The following TM7SF3 variants were observed in gnomAD, a reference collection of about 807,000 sequenced individuals.
TM7SF3 encodes transmembrane 7 superfamily member 3.
Under a neutral mutation model 65.5 loss-of-function variants are expected in TM7SF3, and 60 were observed. The ratio of observed to expected loss-of-function variants is 0.92; its 90% CI spans 0.74 to 1.14. The LOEUF is 1.14. Among genes scored for constraint, TM7SF3 ranks in the 50% most tolerant of loss-of-function variants. The pLI is 0.00. For synonymous variants in TM7SF3, 264 were observed against 259.6 expected, an observed-to-expected ratio of 1.02 and a Z score of -0.16; for missense variants, 623 against 684.8, an observed-to-expected ratio of 0.91 and a Z score of 1.01.
chr12:26,974,038 C>G lies in TM7SF3; in HGVS notation c.1640G>C (p.Gly547Ala). The change falls in exon 12 of 12, where the codon GGC (glycine) becomes GCC (alanine). Residue 547 changes from glycine (G) to alanine (A), a missense_variant. By Grantham distance (60) the Gly-to-Ala change is moderately conservative (BLOSUM62 0). Transcript: ENST00000343028. ...GAGCCCTTTAATCTGGGTTAATCGG[C>G]CATAGAGCCTCTCTCTCAATGGAGG... Reference protein sequence around the residue: ...HIPPLRERLYGRLTQIKGLFQ... With the variant: ...HIPPLRERLYARLTQIKGLFQ... 6.2e-7 allele frequency: 1 copy of G among 1,614,174 alleles called. No individual in the cohort carries two copies. The highest frequency in any genetic ancestry group is 8.5e-7 in the Non-Finnish European group (1 of 1,180,038).
chr12:26,999,986 G>A (rs746340589), intron 2 of TM7SF3, among the ~76,000 whole-genome samples: 2 of 152,158 alleles, frequency 1.3e-5, no homozygotes, highest in Admixed American at 6.6e-5. Context: ...TCATGATAGC[G>A]GTGCCAACAC....
At chr12:27,013,811 G>A (rs1416273134) in intron 1 of TM7SF3, among the ~76,000 whole-genome samples, 2 of 152,114 alleles carry the variant, frequency 1.3e-5, no homozygotes, top group Admixed American at 6.5e-5. Flanking sequence ...CTCCCTAAGG[G>A]AGATAATACT....
In TM7SF3 at chr12:27,014,272, C is replaced by T; in HGVS notation, c.-104G>A. The stretch of plus-strand genomic sequence containing the variant: ...CCACGCTATCCCGGGGCGCCCGCAT[C>T]GGGCGCCATCGCCCGCCAGGTGCAG... On this transcript the variant is annotated 5_prime_UTR_variant, in exon 1 of 12. Transcript: ENST00000343028. The T allele has an allele frequency of 9.6e-7, 1 of 1,037,130 alleles. No homozygotes were observed. Among genetic ancestry groups the T allele is most frequent in the Non-Finnish European group, 1.3e-6 (1 of 757,880 alleles). The allele number at this position is 1,037,130 out of a possible 1,614,324, so 64.2% of individuals were successfully genotyped here.
At chr12:26,976,404 T>G in intron 9 of TM7SF3, 47 bp from the exon 10 acceptor site, 3 of 1,334,504 alleles carry the variant, frequency 2.2e-6, no homozygotes, top group South Asian at 1.2e-5. Context: ...CTTTACCAAG[T>G]TAGAGTTGGT....
Position 26,972,394 on chromosome 12 carries a change from GGTTTTCTTATTAATGGCAATACA to G in TM7SF3, c.*1548_*1570del, listed in dbSNP as rs1939397050. The G allele has an allele frequency of 6.6e-6, 1 of 151,692 alleles. No individual in the cohort carries two copies. The highest frequency in any genetic ancestry group is 2.1e-4 in the South Asian group (1 of 4,792). The allele number at this position is 151,692 out of a possible 1,614,324, so 9.4% of individuals were successfully genotyped here. ...AACTATGAAGTACAAATTTTTCTAA[GGTTTTCTTATTAATGGCAATACA>G]GACTTTTTTTTTTTTTGAGACGGAG... is the stretch of plus-strand genomic sequence containing the variant. On this transcript the variant is annotated 3_prime_UTR_variant, in exon 12 of 12. Coordinates refer to ENST00000343028, the MANE Select transcript of TM7SF3 (RefSeq NM_016551.3).
chr12:26,987,603 G>A (rs991754165), intron 6 of TM7SF3, among the ~76,000 whole-genome samples: 5 of 152,200 alleles, frequency 3.3e-5, no homozygotes, highest in African/African-American at 9.7e-5. Flanking sequence ...TGGCAGGGGA[G>A]GGAAAACCCT....
intron 1 of TM7SF3, among the ~76,000 whole-genome samples, chr12:27,012,253 G>C (rs1941271870): frequency 6.6e-6 from 1 of 152,166 alleles, no homozygotes; most frequent in African/African-American, 2.4e-5. Context: ...TGACAAGGGA[G>C]GAAGATCATT....
At chr12:26,985,652 A>AAT (rs71069288) in intron 6 of TM7SF3, among the ~76,000 whole-genome samples, 1,632 of 38,750 alleles carry the variant, frequency 0.042, 48 homozygotes, top group Middle Eastern at 0.069. Flanking sequence ...AAAAAAAAAA[A>AAT]ATATATATAT....
rs1428848245 is a variant in TM7SF3 at position 27,014,159 on chromosome 12, G to C, written c.10C>G (p.Leu4Val). Reference sequence around the variant, plus strand: ...AGCACCGCTACGACCAGCAGCTGCAGGAACCCCATTGCTGCCTGGGCCGGG... The same window carrying C: ...AGCACCGCTACGACCAGCAGCTGCACGAACCCCATTGCTGCCTGGGCCGGG... MGF[L>V]QLLVVAVLAS... Residue 4 changes from leucine (L) to valine (V), a missense_variant, in exon 1 of 12, where the codon CTG (leucine) becomes GTG (valine). Transcript: ENST00000343028. 6 of 1,561,464 alleles carry C rather than the reference G, an allele frequency of 3.8e-6. No individual in the cohort carries two copies. In the East Asian group the frequency reaches 1.4e-4, roughly 37 times the overall value.
rs151198504 is a variant in TM7SF3 at position 27,004,789 on chromosome 12, G to A, written c.92-1399C>T. Among the ~76,000 whole-genome samples, 7 of 151,992 alleles carry A rather than the reference G, an allele frequency of 4.6e-5. No individual in the cohort carries two copies. The East Asian group carries it at 7.7e-4, about 17-fold the overall frequency. ...TTTTAAAAAAATGATAGAATAAAAC[G>A]TTACAATTTCATTTCTAAAACTCTA... On this transcript the variant is annotated intron_variant, in intron 1 of 11. Coordinates refer to ENST00000343028, the MANE Select transcript of TM7SF3 (RefSeq NM_016551.3).
At chr12:26,994,400 G>A (rs900062762) in intron 5 of TM7SF3, among the ~76,000 whole-genome samples, 2 of 152,178 alleles carry the variant, frequency 1.3e-5, no homozygotes, top group Non-Finnish European at 2.9e-5. Context: ...GGGCTGGAGT[G>A]CAACAGCACC....
At chr12:26,974,434 T>C (rs1434273948) in intron 11 of TM7SF3, among the ~76,000 whole-genome samples, 1 of 152,208 alleles carries the variant, frequency 6.6e-6, no homozygotes, top group East Asian at 1.9e-4. Context: ...GAATTTTCTA[T>C]TACAGGCATT....
intron 2 of TM7SF3, among the ~76,000 whole-genome samples, chr12:27,000,520 C>T (rs924050822): frequency 7.9e-5 from 12 of 151,974 alleles, no homozygotes; most frequent in Admixed American, 6.6e-4. Flanking sequence ...AGTGCAGTGG[C>T]GCGATCTCAG....
chr12:26,976,330 CCAT>C lies in TM7SF3; in HGVS notation c.1214_1216del (p.Asp405del), dbSNP rs762271837. The C allele has an allele frequency of 6.2e-7, 1 of 1,613,814 alleles. No homozygotes were observed. Among genetic ancestry groups the C allele is most frequent in the East Asian group, 2.2e-5 (1 of 44,852 alleles). ...GCAAGAGAAAGTGACCCAGAATACACCATCATCATGAAAAATCTTTAGGTTTCC... is the reference window on the plus strand; with the variant it reads ...GCAAGAGAAAGTGACCCAGAATACACCATCATGAAAAATCTTTAGGTTTCC... On this transcript the variant is annotated inframe_deletion, in exon 10 of 12. Transcript: ENST00000343028.
intron 1 of TM7SF3, among the ~76,000 whole-genome samples, chr12:27,004,049 C>G (rs1342213088): frequency 1.3e-5 from 2 of 152,168 alleles, no homozygotes; most frequent in Admixed American, 1.3e-4. Context: ...AAGGATCAAA[C>G]TGAGTCCATA....
chr12:26,996,814 G>A lies in TM7SF3; in HGVS notation c.446C>T (p.Pro149Leu). Residue 149 changes from proline (P) to leucine (L), a missense_variant, in exon 4 of 12, where the codon CCC (proline) becomes CTC (leucine). Pro to Leu is a moderately conservative substitution (Grantham distance 98). Transcript: ENST00000343028. ...GAAATTATACTCCAAGTAAATGTTG[G>A]GATCAATATCTAAATCGAACTCCAA... Reference protein sequence around the residue: ...CNLEFDLDIDPNIYLEYNFFE... With the variant: ...CNLEFDLDIDLNIYLEYNFFE... 16 of 1,613,472 alleles carry A rather than the reference G, an allele frequency of 9.9e-6. No individual in the cohort carries two copies. The highest frequency in any genetic ancestry group is 1.4e-5 in the Non-Finnish European group (16 of 1,179,764).
chr12:26,981,481 C>A (rs1170559616), intron 7 of TM7SF3, among the ~76,000 whole-genome samples: 1 of 151,628 alleles, frequency 6.6e-6, no homozygotes, highest in Admixed American at 6.6e-5. Flanking sequence ...TGCACTCCAG[C>A]CTAGGAGACA....
chr12:26,998,385 C>T (rs529035231), intron 3 of TM7SF3, among the ~76,000 whole-genome samples: 2 of 152,246 alleles, frequency 1.3e-5, no homozygotes, highest in South Asian at 2.1e-4. Flanking sequence ...CCACTCCAGG[C>T]CCTTATTTAA....
chr12:27,008,690 C>A (rs1355896447), intron 1 of TM7SF3, among the ~76,000 whole-genome samples: 6 of 152,138 alleles, frequency 3.9e-5, no homozygotes, highest in African/African-American at 1.2e-4. Flanking sequence ...CTGATTTTTA[C>A]ACATGGTGTA....
Sources: gnomAD v4.1 joint callset for allele counts (sites outside exome capture counted in the v4.1 genomes callset) on GRCh38, gnomAD v4.1.1 for gene constraint, MANE v1.5 for transcripts, NCBI Gene and HGNC (gene_info 2026-07-23, HGNC 2026-07-21) for gene names.